PPP2R3B: variants seen among roughly 807,000 people sequenced by gnomAD.
PPP2R3B encodes the protein serine/threonine-protein phosphatase 2A regulatory subunit B'' subunit beta.
Under a neutral mutation model 72.9 loss-of-function variants are expected in PPP2R3B, and 68 were observed. The observed-to-expected ratio is 0.93, with a 90% CI of 0.77 to 1.14. PPP2R3B has a LOEUF of 1.14. Ranked by LOEUF, PPP2R3B falls within the 50% of genes most tolerant of loss-of-function variation. PPP2R3B has a pLI of 0.00. For synonymous variants in PPP2R3B, 466 were observed against 375.8 expected (o/e 1.24, Z -2.78); for missense variants, 1,018 against 842.0 (o/e 1.21, Z -2.59).
At position 347,315 on chromosome X, in the gene PPP2R3B, G is replaced by A. The variant is rs369563328; in HGVS notation, c.636C>T (p.Asp212=). 20 of 1,613,652 alleles carry A rather than the reference G, an allele frequency of 1.2e-5. No homozygotes were observed. The highest frequency in any genetic ancestry group is 2.7e-5 in the African/African-American group (2 of 74,884). ...GCAGATGGACGAACTTGGCCGCGTC[G>A]TCGTGGCAGTTCTGGAGGATTCTGG... ...MWRKILQNCH[D]DAAKFVHLLM... The change falls in exon 4 of 13, where the codon GAC becomes GAT. Residue 212 remains aspartate (D), a synonymous_variant. Transcript: ENST00000390665.
chrX:341,597 GGTCAGGAGTGCACCT>G, intron 8 of PPP2R3B: 1 of 662,764 alleles, frequency 1.5e-6, no homozygotes, highest in Non-Finnish European at 2.7e-6. Flanking sequence ...ATCCAGGCAG[GGTCAGGAGTGCACCT>G]TCGTTACTGC....
At chrX:355,595 C>T (rs28468466) in intron 2 of PPP2R3B, among the ~76,000 whole-genome samples, 3,054 of 152,262 alleles carry the variant, frequency 0.02, 101 homozygotes, top group African/African-American at 0.069. Context: ...GAACACCACG[C>T]GATCCGGCCC....
intron 2 of PPP2R3B, among the ~76,000 whole-genome samples, chrX:353,692 C>T (rs2071374883): frequency 1.3e-5 from 2 of 152,358 alleles, no homozygotes; most frequent in South Asian, 4.1e-4. Context: ...GCAATGTGGA[C>T]CCAACACATA....
chrX:342,150 C>T (rs2071093691), intron 7 of PPP2R3B: 6 of 625,182 alleles, frequency 9.6e-6, no homozygotes, highest in South Asian at 7.6e-5. Context: ...ATCCACAGAG[C>T]GCAAAGCTGA....
At chrX:344,144 T>TCGC (rs2071141500) in intron 7 of PPP2R3B, among the ~76,000 whole-genome samples, 1 of 98,432 alleles carries the variant, frequency 1.0e-5, no homozygotes, top group Non-Finnish European at 2.1e-5. Context: ...GAGGGAGACC[T>TCGC]CAGCAACGGG....
chrX:370,564 G>A (rs183044168), intron 1 of PPP2R3B, among the ~76,000 whole-genome samples: 13 of 152,300 alleles, frequency 8.5e-5, no homozygotes, highest in African/African-American at 2.9e-4. Flanking sequence ...AGCCCCTGGC[G>A]GATGCTCCTG....
Position 338,985 on chromosome X carries a change from C to T in PPP2R3B, c.1352-89G>A, listed in dbSNP as rs2070976380. ...GGGTGCGCGCGTCCTGTCACACGTG[C>T]TTAAGGACGCGGCACGAAGCTCCGG... On this transcript the variant is annotated intron_variant, in intron 10 of 12. Transcript: ENST00000390665. 3 of 1,062,894 alleles carry T rather than the reference C, an allele frequency of 2.8e-6. No homozygotes were observed. The African/African-American group carries it at 4.7e-5, about 17-fold the overall frequency. The allele number at this position is 1,062,894 out of a possible 1,614,324, so 65.8% of individuals were successfully genotyped here.
chrX:372,893 A>C (rs1415012125), intron 1 of PPP2R3B, among the ~76,000 whole-genome samples: 1 of 152,224 alleles, frequency 6.6e-6, no homozygotes, highest in African/African-American at 2.4e-5. Context: ...GCGCCGCTGC[A>C]CTCCAGCCTG....
At chrX:366,885 A>G (rs867280592) in intron 1 of PPP2R3B, among the ~76,000 whole-genome samples, 5 of 145,498 alleles carry the variant, frequency 3.4e-5, no homozygotes, top group African/African-American at 1.4e-4. Flanking sequence ...ACGATTAACC[A>G]GGTGTGGTGG....
intron 1 of PPP2R3B, among the ~76,000 whole-genome samples, chrX:376,242 T>C (rs1297759058): frequency 6.7e-6 from 1 of 150,098 alleles, no homozygotes; most frequent in Non-Finnish European, 1.5e-5. Context: ...CTCAAAATCC[T>C]GAAGTGCACA....
chrX:363,480 C>T (rs36129136), intron 1 of PPP2R3B, among the ~76,000 whole-genome samples: 4 of 130,820 alleles, frequency 3.1e-5, no homozygotes, highest in East Asian at 2.3e-4. Context: ...TGCATCTCCC[C>T]GAGCCCAGCA....
At chrX:341,960 C>T (rs756410062) in intron 7 of PPP2R3B, 29 bp from the exon 8 acceptor site, 33 of 1,612,146 alleles carry the variant, frequency 2.0e-5, no homozygotes, top group Non-Finnish European at 2.8e-5. Flanking sequence ...GATGGGCAGC[C>T]CGCACCGTGC....
At chrX:381,850 G>T (rs766108543) in intron 1 of PPP2R3B, among the ~76,000 whole-genome samples, 1 of 151,996 alleles carries the variant, frequency 6.6e-6, no homozygotes, top group Admixed American at 6.6e-5. Flanking sequence ...CGCCCGCCTC[G>T]GCCTCCCAAA....
chrX:335,886 G>C (rs2124538396), intron 12 of PPP2R3B: 1 of 152,342 alleles, frequency 6.6e-6, no homozygotes, highest in Admixed American at 6.5e-5. Flanking sequence ...GCTCACTCAA[G>C]GCTGGGCAGG....
intron 2 of PPP2R3B, among the ~76,000 whole-genome samples, chrX:353,800 T>C (rs1401925627): frequency 2.7e-4 from 31 of 114,260 alleles, no homozygotes; most frequent in East Asian, 5.8e-4. Flanking sequence ...ACCCAAAGAC[T>C]GGGGCTCACC....
At chrX:341,198 T>G in intron 9 of PPP2R3B, 109 bp downstream of exon 9, 1 of 979,504 alleles carries the variant, frequency 1.0e-6, no homozygotes, top group South Asian at 1.4e-5. Flanking sequence ...TGTCCCCCTG[T>G]GCCGTGCAGC....
At chrX:383,837 C>CAAAAAAAAAAAAAAAAA (rs757960788) in intron 1 of PPP2R3B, among the ~76,000 whole-genome samples, 3 of 45,616 alleles carry the variant, frequency 6.6e-5, no homozygotes, top group Non-Finnish European at 8.7e-5. Flanking sequence ...GACTCCGTCT[C>CAAAAAAAAAAAAAAAAA]AAAAAAAAAA....
rs2071246030 is a variant in PPP2R3B at position 347,480 on chromosome X, G to A, written c.614+110C>T. 5 of 1,372,186 alleles carry A rather than the reference G, an allele frequency of 3.6e-6. No individual in the cohort carries two copies. In the South Asian group the frequency reaches 4.7e-5, roughly 13 times the overall value. The allele number at this position is 1,372,186 out of a possible 1,614,324, so 85.0% of individuals were successfully genotyped here. ...ACGGCCAGGCCTGTGCCCGTACAAG[G>A]GTTTCTCCTCTCACTGCGGCAGCCT... On this transcript the variant is annotated intron_variant, in intron 3 of 12. Coordinates refer to ENST00000390665, the MANE Select transcript of PPP2R3B (RefSeq NM_013239.5).
chrX:373,356 G>A (rs1461395235), intron 1 of PPP2R3B, among the ~76,000 whole-genome samples: 2 of 152,200 alleles, frequency 1.3e-5, no homozygotes, highest in Non-Finnish European at 2.9e-5. Flanking sequence ...CGGCCCGAGC[G>A]GGTCCCCTGC....
Sources: allele counts gnomAD v4.1 joint callset (sites outside exome capture counted in the v4.1 genomes callset), GRCh38; gene constraint gnomAD v4.1.1; transcripts MANE v1.5; gene names NCBI Gene and HGNC (gene_info 2026-07-23, HGNC 2026-07-21).